GRB2: variants seen among roughly 807,000 people sequenced by gnomAD.
GRB2 encodes growth factor receptor bound protein 2.
A neutral mutation model predicts 27.4 loss-of-function variants in GRB2; 2 were observed. The ratio of observed to expected loss-of-function variants is 0.07; its 90% CI spans 0.03 to 0.23. The LOEUF is 0.23. Ranked by LOEUF, GRB2 falls within the 10% of genes least tolerant of loss-of-function variation. The probability of loss-of-function intolerance (pLI) is 1.00; values close to 1 mark genes in which losing one functional copy is unlikely to be tolerated. For missense variants in GRB2, 102 were observed against 282.4 expected, an observed-to-expected ratio of 0.36 and a Z score of 4.58; for synonymous variants, 94 against 99.6, an observed-to-expected ratio of 0.94 and a Z score of 0.33.
At chr17:75,328,071 G>A (rs1367987678) in intron 3 of GRB2, among the ~76,000 whole-genome samples, 1 of 152,118 alleles carries the variant, frequency 6.6e-6, no homozygotes, top group Non-Finnish European at 1.5e-5. Context: ...GCCTGTAATT[G>A]CAGCACTTTG....
intron 2 of GRB2, among the ~76,000 whole-genome samples, chr17:75,390,530 T>C (rs181223971): frequency 4.6e-5 from 7 of 152,120 alleles, no homozygotes; most frequent in Non-Finnish European, 1.0e-4. Flanking sequence ...CCCAGTGTCC[T>C]CTCCCTCCCC....
chr17:75,329,332 G>A (rs2078523578), intron 3 of GRB2, among the ~76,000 whole-genome samples: 1 of 152,064 alleles, frequency 6.6e-6, no homozygotes, highest in South Asian at 2.1e-4. Flanking sequence ...AACATAAAAA[G>A]TAAGATGCTT....
At chr17:75,379,996 C>T (rs968277012) in intron 2 of GRB2, among the ~76,000 whole-genome samples, 2 of 152,174 alleles carry the variant, frequency 1.3e-5, no homozygotes, top group Non-Finnish European at 2.9e-5. Context: ...GAAAAGATAA[C>T]TGAGATATAA....
At chr17:75,389,975 G>A (rs1307438919) in intron 2 of GRB2, among the ~76,000 whole-genome samples, 3 of 152,160 alleles carry the variant, frequency 2.0e-5, no homozygotes, top group Non-Finnish European at 2.9e-5. Flanking sequence ...TGGAGCTTCT[G>A]AAGGGAGAAA....
chr17:75,354,264 T>TGGG (rs755108476), intron 2 of GRB2, among the ~76,000 whole-genome samples: 179 of 38,070 alleles, frequency 4.7e-3, no homozygotes, highest in East Asian at 0.01. Flanking sequence ...TCTTTTTTTT[T>TGGG]GGGGGGGGGG....
intron 1 of GRB2, among the ~76,000 whole-genome samples, chr17:75,402,539 G>A (rs987259632): frequency 6.6e-5 from 10 of 152,086 alleles, no homozygotes; most frequent in African/African-American, 2.2e-4. Context: ...TATTATTTAT[G>A]GCTGCATTTG....
intron 2 of GRB2, among the ~76,000 whole-genome samples, chr17:75,354,122 T>C (rs1347818890): frequency 1.3e-5 from 2 of 152,190 alleles, no homozygotes; most frequent in Non-Finnish European, 2.9e-5. Context: ...GATTCTATGT[T>C]TATACTTGAA....
intron 2 of GRB2, among the ~76,000 whole-genome samples, chr17:75,359,857 G>A (rs1331757620): frequency 6.6e-6 from 1 of 152,074 alleles, no homozygotes; most frequent in Non-Finnish European, 1.5e-5. Context: ...AACTACTTGT[G>A]GGTAGTAGCC....
At chr17:75,355,756 A>G (rs960239206) in intron 2 of GRB2, among the ~76,000 whole-genome samples, 2 of 151,008 alleles carry the variant, frequency 1.3e-5, no homozygotes, top group Non-Finnish European at 2.9e-5. Context: ...GCTCTGTCAC[A>G]TATCTATCCA....
chr17:75,334,604 T>G (rs915097778), intron 2 of GRB2, among the ~76,000 whole-genome samples: 1 of 152,040 alleles, frequency 6.6e-6, no homozygotes, highest in Non-Finnish European at 1.5e-5. Context: ...ATTTGTAAAT[T>G]AGGCACAGTA....
At position 75,320,128 on chromosome 17, in the gene GRB2, G is replaced by A; in HGVS notation, c.*240C>T. On this transcript the variant is annotated 3_prime_UTR_variant, in exon 6 of 6. Coordinates refer to ENST00000316804, the MANE Select transcript of GRB2 (RefSeq NM_002086.5). The surrounding 1 kb of genome is among the most constrained non-coding windows in gnomAD (Gnocchi z 4.3). ...AAAAAAGACAAAGGAGGGGAAAGAG[G>A]AGCAGCAGTGAAAATTTGTAATAAA... 1 of 447,970 alleles carries A rather than the reference G, an allele frequency of 2.2e-6. No individual in the cohort carries two copies. Among genetic ancestry groups the A allele is most frequent in the Middle Eastern group, 6.5e-4 (1 of 1,528 alleles). 27.7% of individuals were successfully genotyped at this position (447,970 alleles called of 1,614,324 possible). A position where few individuals can be genotyped will look rare whatever the true frequency, so the allele number is the denominator to read the frequency against.
At chr17:75,393,810 G>A (rs2079013438) in intron 1 of GRB2, 45 bp from the exon 2 acceptor site, 2 of 572,910 alleles carry the variant, frequency 3.5e-6, no homozygotes, top group Admixed American at 3.4e-5. Flanking sequence ...CAGGATTGAA[G>A]GCAACCCCGC....
rs185958372 is a variant in GRB2 at position 75,386,806 on chromosome 17, C to A, written c.78+6745G>T. On this transcript the variant is annotated intron_variant, in intron 2 of 5. Transcript: ENST00000316804. ...ACCTAAGATCAAACTTCACCTCTGTCACTTGCTAGATGTGTGAATCTGAGC... is the reference window on the plus strand; with the variant it reads ...ACCTAAGATCAAACTTCACCTCTGTAACTTGCTAGATGTGTGAATCTGAGC... 3.3e-5 allele frequency among the ~76,000 whole-genome samples: 5 copies of A among 152,332 alleles called. No individual in the cohort carries two copies. The East Asian group carries it at 9.6e-4, about 29-fold the overall frequency.
chr17:75,332,825 C>A, intron 2 of GRB2, 28 bp from the exon 3 acceptor site: 1 of 1,378,892 alleles, frequency 7.3e-7, no homozygotes, highest in East Asian at 2.3e-5. Flanking sequence ...AACAAAAAAA[C>A]CCAATCATTT....
chr17:75,359,230 T>C (rs2078761776), intron 2 of GRB2, among the ~76,000 whole-genome samples: 1 of 146,274 alleles, frequency 6.8e-6, no homozygotes, highest in African/African-American at 2.5e-5. Flanking sequence ...TGTCTCCAAA[T>C]AGCTGATGGC....
At chr17:75,339,444 C>T (rs189192907) in intron 2 of GRB2, among the ~76,000 whole-genome samples, 20 of 151,780 alleles carry the variant, frequency 1.3e-4, no homozygotes, top group African/African-American at 3.6e-4. Flanking sequence ...CCACCCACCT[C>T]GGCCTCCCAA....
chr17:75,404,596 G>A (rs1271507351), intron 1 of GRB2, among the ~76,000 whole-genome samples: 3 of 152,042 alleles, frequency 2.0e-5, no homozygotes, highest in Admixed American at 6.6e-5. Context: ...CAAGCATTTC[G>A]TGTCCCTAGT....
intron 2 of GRB2, among the ~76,000 whole-genome samples, chr17:75,386,336 C>T (rs1567874704): frequency 2.0e-5 from 3 of 152,240 alleles, no homozygotes; most frequent in East Asian, 3.9e-4. Flanking sequence ...CCGGGCTGGT[C>T]GCAAACTCTG....
chr17:75,395,783 T>C (rs2079025508), intron 1 of GRB2, among the ~76,000 whole-genome samples: 1 of 152,110 alleles, frequency 6.6e-6, no homozygotes, highest in Non-Finnish European at 1.5e-5. Context: ...TAGTATGTTA[T>C]GAAATACTAC....
Sources: allele counts gnomAD v4.1 joint callset (sites outside exome capture counted in the v4.1 genomes callset), GRCh38; gene constraint gnomAD v4.1.1; non-coding constraint Gnocchi (gnomAD v3.1); transcripts MANE v1.5; gene names NCBI Gene and HGNC (gene_info 2026-07-23, HGNC 2026-07-21).